The following RALGAPB variants were observed in gnomAD, a reference collection of about 807,000 sequenced individuals.
RALGAPB encodes the protein ral GTPase-activating protein subunit beta.
RALGAPB carries 25 observed loss-of-function variants against 161.1 expected under a neutral mutation model. The observed-to-expected ratio is 0.16, with a 90% CI of 0.11 to 0.22. The LOEUF (loss-of-function observed/expected upper bound fraction) is 0.22, where lower values mean the gene tolerates loss of function less well. RALGAPB is among the 10% of genes least tolerant of loss of function. The probability of loss-of-function intolerance (pLI) is 1.00; values close to 1 mark genes in which losing one functional copy is unlikely to be tolerated. For missense variants in RALGAPB, 1,391 were observed against 1,815.2 expected, an observed-to-expected ratio of 0.77 and a Z score of 4.25; for synonymous variants, 629 against 626.1, an observed-to-expected ratio of 1.00 and a Z score of -0.07.
intron 2 of RALGAPB, among the ~76,000 whole-genome samples, chr20:38,490,064 C>T (rs2085233621): frequency 6.6e-6 from 1 of 150,794 alleles, no homozygotes; most frequent in African/African-American, 2.4e-5. Flanking sequence ...GGCTGGAGTG[C>T]AGTGGCATGA....
chr20:38,558,836 A>G (rs2087686612), intron 23 of RALGAPB, among the ~76,000 whole-genome samples: 1 of 152,348 alleles, frequency 6.6e-6, no homozygotes, highest in South Asian at 2.1e-4. Context: ...CGCAGCTTCA[A>G]AGTGATTACT....
rs774088482 is a variant in RALGAPB, at chr20:38,546,410, A to G, written c.2882A>G (p.Gln961Arg). The part of the protein sequence containing the change: ...DNSVILAMLE[Q>R]PLGNEQNDFF... ...AGTGTCATCCTGGCAATGCTGGAAC[A>G]ACCTCTTGGAAATGAGCAGAGTAAG... Residue 961 changes from glutamine (Q) to arginine (R), a missense_variant, in exon 19 of 30, where the codon CAA (glutamine) becomes CGA (arginine). Gln to Arg is a conservative substitution (Grantham distance 43). Transcript: ENST00000262879. The G allele has an allele frequency of 6.2e-7, 1 of 1,614,046 alleles. No homozygotes were observed. The highest frequency in any genetic ancestry group is 2.2e-5 in the East Asian group (1 of 44,868).
At chr20:38,502,334 A>G (rs757375595) in intron 5 of RALGAPB, among the ~76,000 whole-genome samples, 3 of 152,190 alleles carry the variant, frequency 2.0e-5, no homozygotes, top group Admixed American at 2.0e-4. Context: ...AATACTGTAA[A>G]CCTGGAATAA....
chr20:38,546,155 A>G, intron 18 of RALGAPB, 88 bp from the exon 19 acceptor site: 1 of 1,583,136 alleles, frequency 6.3e-7, no homozygotes, highest in Non-Finnish European at 8.6e-7. Flanking sequence ...ATTAAAATTC[A>G]GAAGAGTGGA....
intron 1 of RALGAPB, among the ~76,000 whole-genome samples, chr20:38,481,481 T>C (rs540515015): frequency 1.3e-5 from 2 of 152,182 alleles, no homozygotes; most frequent in African/African-American, 4.8e-5. Context: ...AGAGAACTTG[T>C]GCAGGCAAAC....
chr20:38,571,553 T>G (rs2088240500), intron 28 of RALGAPB, among the ~76,000 whole-genome samples: 1 of 152,264 alleles, frequency 6.6e-6, no homozygotes, highest in Admixed American at 6.5e-5. Context: ...ATTTTAAGAC[T>G]GAATAATATT....
intron 1 of RALGAPB, among the ~76,000 whole-genome samples, chr20:38,475,934 A>G (rs368400002): frequency 6.6e-6 from 1 of 152,186 alleles, no homozygotes; most frequent in African/African-American, 2.4e-5. Context: ...TATTCTTTAT[A>G]AGGATTGTTA....
intron 1 of RALGAPB, among the ~76,000 whole-genome samples, chr20:38,483,128 A>T (rs371658206): frequency 6.6e-6 from 1 of 152,190 alleles, no homozygotes; most frequent in African/African-American, 2.4e-5. Flanking sequence ...GACTCAAGCA[A>T]TGTGCCCGCC....
chr20:38,555,801 A>C (rs1335690841), intron 22 of RALGAPB, among the ~76,000 whole-genome samples: 1 of 152,242 alleles, frequency 6.6e-6, no homozygotes, highest in African/African-American at 2.4e-5. Context: ...AATATTTCTA[A>C]TAACTTAAAC....
chr20:38,546,631 TTG>T, intron 19 of RALGAPB: 1 of 609,160 alleles, frequency 1.6e-6, no homozygotes, highest in Non-Finnish European at 2.8e-6. Context: ...TTAAAGGCTC[TTG>T]ATGTGCATCT....
chr20:38,549,960 A>G (rs2087315809), intron 20 of RALGAPB, among the ~76,000 whole-genome samples: 1 of 152,258 alleles, frequency 6.6e-6, no homozygotes, highest in South Asian at 2.1e-4. Context: ...AACACTATGC[A>G]GCCATAAAAA....
chr20:38,554,445 A>G (rs976662913), intron 22 of RALGAPB, among the ~76,000 whole-genome samples: 1 of 152,252 alleles, frequency 6.6e-6, no homozygotes, highest in African/African-American at 2.4e-5. Context: ...ATAAGCTACA[A>G]TTAACTTTGC....
intron 17 of RALGAPB, 70 bp downstream of exon 17, chr20:38,540,028 A>G: frequency 2.2e-6 from 3 of 1,380,474 alleles, no homozygotes; most frequent in Non-Finnish European, 3.0e-6. Context: ...CTTTTGAAAG[A>G]GAATATCTAA....
chr20:38,514,530 G>C (rs965483641), intron 6 of RALGAPB, among the ~76,000 whole-genome samples: 37 of 152,156 alleles, frequency 2.4e-4, no homozygotes, highest in African/African-American at 8.9e-4. Context: ...AATGAGCTGC[G>C]ACTGGGTAGA....
chr20:38,498,931 T>C (rs2085503276), intron 4 of RALGAPB, among the ~76,000 whole-genome samples: 1 of 152,244 alleles, frequency 6.6e-6, no homozygotes, highest in African/African-American at 2.4e-5. Flanking sequence ...GTGTTTGTTG[T>C]GATTCCTTCA....
intron 6 of RALGAPB, 47 bp from the exon 7 acceptor site, chr20:38,516,145 A>G (rs1244655501): frequency 4.3e-6 from 6 of 1,409,184 alleles, no homozygotes; most frequent in Non-Finnish European, 5.9e-6. Flanking sequence ...TTTTATTGCT[A>G]TAGAAATTTC....
chr20:38,560,801 C>T (rs1389829538), intron 23 of RALGAPB, among the ~76,000 whole-genome samples: 1 of 152,170 alleles, frequency 6.6e-6, no homozygotes, highest in Non-Finnish European at 1.5e-5. Flanking sequence ...CCTGCCTTCC[C>T]TAGCCGTAGG....
rs41282830 is a variant in RALGAPB at position 38,532,803 on chromosome 20, C to T, written c.2189C>T (p.Thr730Met). 8.3e-4 allele frequency: 1,337 copies of T among 1,613,988 alleles called. 13 individuals are homozygous for T. In the African/African-American group the frequency reaches 0.015, roughly 18 times the overall value. Residue 730 changes from threonine (T) to methionine (M), a missense_variant, in exon 15 of 30, where the codon ACG (threonine) becomes ATG (methionine). Thr to Met is a moderately conservative substitution (Grantham distance 81, BLOSUM62 -1). Coordinates refer to ENST00000262879, the MANE Select transcript of RALGAPB (RefSeq NM_020336.4). ...SGISSASGGS[T>M]EPTTPDSERP... ...ATTAGTTCAGCAAGTGGTGGAAGCA[C>T]GGAGCCCACGACTCCCGATAGTGAG...
rs746116596 is a variant in RALGAPB at position 38,570,019 on chromosome 20, A to G, written c.4063+23A>G. 7.6e-6 allele frequency: 12 copies of G among 1,569,746 alleles called. No homozygotes were observed. In the East Asian group the frequency reaches 1.6e-4, roughly 21 times the overall value. Reference sequence around the variant, plus strand: ...TAGGTACTGTATGAGGACTTTGTCCATAAATAAAATGGCAATATATGACAG... The same window carrying G: ...TAGGTACTGTATGAGGACTTTGTCCGTAAATAAAATGGCAATATATGACAG... On this transcript the variant is annotated intron_variant, in intron 27 of 29. Coordinates refer to ENST00000262879, the MANE Select transcript of RALGAPB (RefSeq NM_020336.4).
Sources: allele counts gnomAD v4.1 joint callset (sites outside exome capture counted in the v4.1 genomes callset), GRCh38; gene constraint gnomAD v4.1.1; transcripts MANE v1.5; gene names NCBI Gene and HGNC (gene_info 2026-07-23, HGNC 2026-07-21).